The following KCNIP4 variants were observed in gnomAD, a reference collection of about 807,000 sequenced individuals.
KCNIP4 encodes the protein Kv channel-interacting protein 4.
A neutral mutation model predicts 34.0 loss-of-function variants in KCNIP4; 12 were observed. The ratio of observed to expected loss-of-function variants is 0.35; its 90% CI spans 0.23 to 0.57. KCNIP4 has a LOEUF of 0.57. Among genes scored for constraint, KCNIP4 ranks in the 20% least tolerant of loss-of-function variants. The probability of loss-of-function intolerance (pLI) is 0.83; values close to 1 mark genes in which losing one functional copy is unlikely to be tolerated. For missense variants in KCNIP4, 238 were observed against 311.7 expected (o/e 0.76, Z 1.78); for synonymous variants, 124 against 102.2 (o/e 1.21, Z -1.29).
chr4:20,908,888 T>C (rs1728059854), intron 1 of KCNIP4, among the ~76,000 whole-genome samples: 1 of 152,244 alleles, frequency 6.6e-6, no homozygotes, highest in Non-Finnish European at 1.5e-5. Context: ...CTTTATTTAC[T>C]CAGTGCTCAT....
chr4:20,850,760 T>G (rs1720930842), intron 2 of KCNIP4, 93 bp from the exon 3 acceptor site: 2 of 1,447,098 alleles, frequency 1.4e-6, no homozygotes, highest in Non-Finnish European at 1.9e-6. Context: ...ACATGTCTGC[T>G]AATGTCTGTG....
chr4:21,416,065 C>T (rs951706111), intron 1 of KCNIP4, among the ~76,000 whole-genome samples: 2 of 152,182 alleles, frequency 1.3e-5, no homozygotes, highest in African/African-American at 2.4e-5. Context: ...CAGCCATGTG[C>T]ATTATTCTGG....
At chr4:21,156,716 T>C (rs1753168752) in intron 1 of KCNIP4, among the ~76,000 whole-genome samples, 1 of 152,136 alleles carries the variant, frequency 6.6e-6, no homozygotes, top group Admixed American at 6.6e-5. Context: ...GCCCATGTTC[T>C]TAACCATTGC....
At chr4:20,973,377 C>G (rs1029849304) in intron 1 of KCNIP4, among the ~76,000 whole-genome samples, 32 of 152,160 alleles carry the variant, frequency 2.1e-4, no homozygotes, top group African/African-American at 7.5e-4. Flanking sequence ...CCTCTCTCAG[C>G]CTTCACAGAG....
intron 1 of KCNIP4, among the ~76,000 whole-genome samples, chr4:21,816,145 C>G (rs542480266): frequency 6.6e-6 from 1 of 152,118 alleles, no homozygotes; most frequent in African/African-American, 2.4e-5. Context: ...GCAACTGTAA[C>G]AGAAGAAAAT....
intron 1 of KCNIP4, among the ~76,000 whole-genome samples, chr4:21,797,831 G>C (rs969922214): frequency 1.3e-5 from 2 of 152,102 alleles, no homozygotes; most frequent in African/African-American, 2.4e-5. Flanking sequence ...TGGTTTGATA[G>C]GATAGCTGCC....
intron 3 of KCNIP4, among the ~76,000 whole-genome samples, chr4:20,818,308 G>A (rs969491018): frequency 1.1e-4 from 16 of 152,204 alleles, no homozygotes; most frequent in African/African-American, 3.4e-4. Flanking sequence ...GTATTGGGGT[G>A]GTGGTGGTGG....
At chr4:21,795,008 T>C (rs1235261656) in intron 1 of KCNIP4, among the ~76,000 whole-genome samples, 1 of 152,164 alleles carries the variant, frequency 6.6e-6, no homozygotes, top group Non-Finnish European at 1.5e-5. Flanking sequence ...AATAGGCCTT[T>C]TGTCCTTACT....
In KCNIP4 at chr4:21,481,043, G is replaced by A. The variant is rs139523334; in HGVS notation, c.61+467528C>T. Reference sequence around the variant, plus strand: ...AAAACCATAGTTAGGCACTGATATAGGTGTAGATAATTCAATCACTGGAAC... The same window carrying A: ...AAAACCATAGTTAGGCACTGATATAAGTGTAGATAATTCAATCACTGGAAC... On this transcript the variant is annotated intron_variant, in intron 1 of 8. Coordinates refer to ENST00000382152, the MANE Select transcript of KCNIP4 (RefSeq NM_025221.6). Among the ~76,000 whole-genome samples the A allele has an allele frequency of 6.8e-4, 103 of 152,244 alleles. 2 individuals carry two copies. In the East Asian group the frequency reaches 0.019, roughly 29 times the overall value.
chr4:21,469,244 CCAT>C (rs1191509808), intron 1 of KCNIP4, among the ~76,000 whole-genome samples: 2 of 151,970 alleles, frequency 1.3e-5, no homozygotes, highest in Non-Finnish European at 2.9e-5. Context: ...TCTTCCCCCA[CCAT>C]ATTACCCAGG....
intron 1 of KCNIP4, among the ~76,000 whole-genome samples, chr4:21,310,776 C>CA (rs1713068260): frequency 6.6e-6 from 1 of 152,034 alleles, no homozygotes; most frequent in South Asian, 2.1e-4. Context: ...GGACTACAGG[C>CA]ACGTGCACGA....
intron 1 of KCNIP4, among the ~76,000 whole-genome samples, chr4:21,169,361 A>C (rs1753844289): frequency 6.6e-6 from 1 of 151,924 alleles, no homozygotes; most frequent in Non-Finnish European, 1.5e-5. Context: ...TATGATGCCC[A>C]GGCTGGTTTG....
intron 1 of KCNIP4, among the ~76,000 whole-genome samples, chr4:21,104,914 G>A (rs1338354811): frequency 2.0e-5 from 3 of 151,538 alleles, no homozygotes; most frequent in Non-Finnish European, 4.4e-5. Flanking sequence ...TAGATGTGTG[G>A]TATTCTTTCT....
chr4:20,770,633 T>C (rs1271037625), intron 3 of KCNIP4, among the ~76,000 whole-genome samples: 1 of 151,852 alleles, frequency 6.6e-6, no homozygotes, highest in Non-Finnish European at 1.5e-5. Flanking sequence ...AAATAAAAAT[T>C]AAAAATAAAT....
chr4:21,209,820 T>A (rs1757104506), intron 1 of KCNIP4, among the ~76,000 whole-genome samples: 1 of 152,202 alleles, frequency 6.6e-6, no homozygotes, highest in African/African-American at 2.4e-5. Flanking sequence ...CTGAGTTTAA[T>A]CCTCCACCAA....
At chr4:21,051,022 T>C (rs1742883437) in intron 1 of KCNIP4, among the ~76,000 whole-genome samples, 2 of 152,188 alleles carry the variant, frequency 1.3e-5, no homozygotes, top group African/African-American at 4.8e-5. Context: ...TTCCATAACA[T>C]GCATCAGGGA....
At chr4:20,753,073 G>A (rs544855602) in intron 4 of KCNIP4, among the ~76,000 whole-genome samples, 18 of 152,212 alleles carry the variant, frequency 1.2e-4, no homozygotes, top group Admixed American at 5.2e-4. Context: ...TTTTACTTGT[G>A]AAGCTGAAAA....
chr4:20,817,175 A>G (rs1716505398), intron 3 of KCNIP4, among the ~76,000 whole-genome samples: 1 of 152,194 alleles, frequency 6.6e-6, no homozygotes, highest in African/African-American at 2.4e-5. Context: ...GTGTTGTGGG[A>G]ATTTAAATTT....
intron 1 of KCNIP4, among the ~76,000 whole-genome samples, chr4:21,367,290 G>C (rs1042944668): frequency 6.6e-6 from 1 of 152,120 alleles, no homozygotes; most frequent in African/African-American, 2.4e-5. Flanking sequence ...AACATGCATG[G>C]ACTGGGAAAG....
Sources: gnomAD v4.1 joint callset for allele counts (sites outside exome capture counted in the v4.1 genomes callset) on GRCh38, gnomAD v4.1.1 for gene constraint, MANE v1.5 for transcripts, NCBI Gene and HGNC (gene_info 2026-07-23, HGNC 2026-07-21) for gene names.